DEPDC1B: variants seen among roughly 807,000 people sequenced by gnomAD.
DEPDC1B encodes DEP domain containing 1B.
A neutral mutation model predicts 66.5 loss-of-function variants in DEPDC1B; 51 were observed. The ratio of observed to expected loss-of-function variants is 0.77; its 90% CI spans 0.61 to 0.97. The LOEUF (loss-of-function observed/expected upper bound fraction) is 0.97. Among genes scored for constraint, DEPDC1B ranks in the 50% least tolerant of loss-of-function variants. The probability of loss-of-function intolerance (pLI) is 0.00; values close to 1 mark genes in which losing one functional copy is unlikely to be tolerated. For missense variants in DEPDC1B, 552 were observed against 637.1 expected, an observed-to-expected ratio of 0.87 and a Z score of 1.44; for synonymous variants, 226 against 223.6, an observed-to-expected ratio of 1.01 and a Z score of -0.10.
At chr5:60,663,568 T>C (rs1407206393) in intron 2 of DEPDC1B, among the ~76,000 whole-genome samples, 1 of 152,164 alleles carries the variant, frequency 6.6e-6, no homozygotes, top group African/African-American at 2.4e-5. Flanking sequence ...TGACTCTCAA[T>C]TCTTATTTGC....
intron 2 of DEPDC1B, among the ~76,000 whole-genome samples, chr5:60,668,490 G>C (rs1318916175): frequency 1.3e-5 from 2 of 151,556 alleles, no homozygotes; most frequent in African/African-American, 4.9e-5. Context: ...GGCAAGGCTG[G>C]TCTCGAACTC....
At chr5:60,632,107 C>T (rs1752938694) in intron 7 of DEPDC1B, among the ~76,000 whole-genome samples, 1 of 152,208 alleles carries the variant, frequency 6.6e-6, no homozygotes, top group African/African-American at 2.4e-5. Flanking sequence ...TATTTTGTTG[C>T]TGTTTCATTA....
At chr5:60,612,078 T>C (rs1344801179) in intron 7 of DEPDC1B, among the ~76,000 whole-genome samples, 1 of 152,026 alleles carries the variant, frequency 6.6e-6, no homozygotes, top group Non-Finnish European at 1.5e-5. Context: ...TGACTTGAAG[T>C]TGAAACCAGT....
intron 7 of DEPDC1B, among the ~76,000 whole-genome samples, chr5:60,613,964 T>A (rs1752479696): frequency 1.3e-5 from 2 of 152,220 alleles, no homozygotes; most frequent in Admixed American, 1.3e-4. Context: ...CCAGTGATAC[T>A]TAGTCACAAA....
intron 2 of DEPDC1B, among the ~76,000 whole-genome samples, chr5:60,656,731 A>G (rs960719492): frequency 1.3e-5 from 2 of 152,214 alleles, no homozygotes; most frequent in African/African-American, 4.8e-5. Flanking sequence ...ATTGCCCTAT[A>G]AAACCATCAG....
chr5:60,638,715 T>A, intron 7 of DEPDC1B, 35 bp downstream of exon 7: 6 of 1,557,190 alleles, frequency 3.9e-6, no homozygotes, highest in Non-Finnish European at 5.2e-6. Context: ...TCAATATCAG[T>A]GATGTAGATA....
In DEPDC1B at chr5:60,700,043, C is replaced by T. The variant is rs901169900; in HGVS notation, c.48+3G>A. 4 of 1,556,398 alleles carry T rather than the reference C, an allele frequency of 2.6e-6. No homozygotes were observed. In the South Asian group the frequency reaches 4.7e-5, roughly 18 times the overall value. On this transcript the variant is annotated splice_donor_region_variant and intron_variant, in intron 1 of 10. Transcript: ENST00000265036. ...CCGCCCAGGCCCCAGCACACTCACT[C>T]ACCAGCCTGGTAGCTCGGTACGGCC...
At chr5:60,699,917 C>T (rs1466584982) in intron 1 of DEPDC1B, 129 bp downstream of exon 1, 2 of 1,148,732 alleles carry the variant, frequency 1.7e-6, no homozygotes, top group African/African-American at 3.1e-5. Flanking sequence ...CCAGTAGTCC[C>T]AGCTGAAATG....
rs112037727 is a variant in DEPDC1B, at chr5:60,649,106, C to T, written c.315-1573G>A. 1.2e-3 allele frequency among the ~76,000 whole-genome samples: 185 copies of T among 152,268 alleles called. 2 individuals are homozygous for T. The highest frequency in any genetic ancestry group is 4.4e-3 in the African/African-American group (183 of 41,560). On this transcript the variant is annotated intron_variant, in intron 2 of 10. Coordinates refer to ENST00000265036, the MANE Select transcript of DEPDC1B (RefSeq NM_018369.3). ...TGTTTATTCTCCCACTTCATTCCCT[C>T]GACTATGGCATAAAAATTTTTGGAC...
intron 1 of DEPDC1B, 50 bp downstream of exon 1, chr5:60,699,996 G>A (rs1194892770): frequency 6.5e-7 from 1 of 1,543,748 alleles, no homozygotes; most frequent in Non-Finnish European, 8.7e-7. Flanking sequence ...GCGCTGAGTG[G>A]GGGCTCGCGG....
chr5:60,684,141 A>C (rs1468022917), intron 2 of DEPDC1B, among the ~76,000 whole-genome samples: 1 of 152,194 alleles, frequency 6.6e-6, no homozygotes, highest in Non-Finnish European at 1.5e-5. Context: ...CACATGGCTC[A>C]GAAGAATTTA....
intron 5 of DEPDC1B, among the ~76,000 whole-genome samples, chr5:60,643,117 G>GA (rs1365369648): frequency 6.6e-6 from 1 of 151,184 alleles, no homozygotes; most frequent in East Asian, 1.9e-4. Flanking sequence ...ATAGTAAAAA[G>GA]AAAAAAATGT....
At chr5:60,628,430 ATTGT>A (rs1266918880) in intron 7 of DEPDC1B, 2 of 152,150 alleles carry the variant, frequency 1.3e-5, no homozygotes, top group African/African-American at 2.4e-5. Context: ...CAATGGGACC[ATTGT>A]TTGTTCAGCC....
At chr5:60,691,956 A>G (rs1002532355) in intron 1 of DEPDC1B, among the ~76,000 whole-genome samples, 4 of 152,238 alleles carry the variant, frequency 2.6e-5, no homozygotes, top group Non-Finnish European at 4.4e-5. Context: ...AGATAAATGA[A>G]TAAAGAAAAT....
At chr5:60,682,279 A>T (rs1754312432) in intron 2 of DEPDC1B, among the ~76,000 whole-genome samples, 1 of 152,058 alleles carries the variant, frequency 6.6e-6, no homozygotes, top group African/African-American at 2.4e-5. Flanking sequence ...AAAACCAAAC[A>T]CCACATGTTC....
chr5:60,606,777 GT>G (rs1358473455), intron 7 of DEPDC1B, among the ~76,000 whole-genome samples: 4 of 150,964 alleles, frequency 2.6e-5, no homozygotes, highest in Non-Finnish European at 4.4e-5. Context: ...AGCAAGACCT[GT>G]CTCTTTTTTT....
intron 7 of DEPDC1B, among the ~76,000 whole-genome samples, chr5:60,635,105 T>G (rs1561368487): frequency 6.7e-6 from 1 of 150,226 alleles, no homozygotes; most frequent in East Asian, 1.9e-4. Flanking sequence ...CCCTGGGCTC[T>G]GAGAGCAGAT....
intron 7 of DEPDC1B, among the ~76,000 whole-genome samples, chr5:60,622,098 AC>A (rs1377391795): frequency 6.6e-6 from 1 of 152,232 alleles, no homozygotes; most frequent in Non-Finnish European, 1.5e-5. Context: ...TTAAAATACT[AC>A]AAAAATGTAC....
chr5:60,676,255 G>C (rs1754158471), intron 2 of DEPDC1B, among the ~76,000 whole-genome samples: 1 of 148,954 alleles, frequency 6.7e-6, no homozygotes, highest in African/African-American at 2.5e-5. Flanking sequence ...TTCTTTAAGA[G>C]ACAGGGTCTC....
Sources: allele counts gnomAD v4.1 joint callset (sites outside exome capture counted in the v4.1 genomes callset), GRCh38; gene constraint gnomAD v4.1.1; transcripts MANE v1.5; gene names NCBI Gene and HGNC (gene_info 2026-07-23, HGNC 2026-07-21).